The following AHRR variants were observed in gnomAD, a reference collection of about 807,000 sequenced individuals.
AHRR encodes the protein aryl hydrocarbon receptor repressor.
In AHRR, 28 loss-of-function variants were observed where a neutral mutation model predicts 44.0. The observed-to-expected ratio is 0.64, with a 90% confidence interval of 0.47 to 0.87. The LOEUF is 0.87. Ranked by LOEUF, AHRR falls within the 40% of genes least tolerant of loss-of-function variation. AHRR has a pLI of 0.00. For missense variants in AHRR, 990 were observed against 953.9 expected (o/e 1.04, Z -0.50); for synonymous variants, 434 against 407.0 (o/e 1.07, Z -0.80).
At chr5:423,749 T>TG in intron 6 of AHRR, 92 bp from the exon 7 acceptor site, 2 of 1,471,832 alleles carry the variant, frequency 1.4e-6, no homozygotes, top group South Asian at 2.6e-5. Context: ...TTACATGACC[T>TG]GGCGCGTGAG....
At chr5:336,879 G>A (rs1742155060) in intron 1 of AHRR, among the ~76,000 whole-genome samples, 1 of 152,012 alleles carries the variant, frequency 6.6e-6, no homozygotes, top group African/African-American at 2.4e-5. Flanking sequence ...TTGGTGTGTG[G>A]CTTTGTTTTT....
chr5:343,799 G>A (rs1018542810), intron 1 of AHRR, 94 bp from the exon 2 acceptor site: 3 of 1,325,028 alleles, frequency 2.3e-6, no homozygotes, highest in Non-Finnish European at 3.1e-6. Flanking sequence ...CGGGTGTGGG[G>A]GCGCCAGGAC....
chr5:392,476 G>A (rs953302952), intron 4 of AHRR, among the ~76,000 whole-genome samples: 1 of 151,988 alleles, frequency 6.6e-6, no homozygotes, highest in Non-Finnish European at 1.5e-5. Context: ...GAGTGTGCAC[G>A]GGCGCAGGGC....
intron 4 of AHRR, among the ~76,000 whole-genome samples, chr5:389,922 AGGGGGAG>A (rs1454314246): frequency 6.7e-5 from 3 of 44,814 alleles, no homozygotes; most frequent in African/African-American, 1.8e-4. Flanking sequence ...GAAGGGAGGG[AGGGGGAG>A]GGGGAGGGGA....
intron 4 of AHRR, among the ~76,000 whole-genome samples, chr5:381,452 A>T (rs1200936097): frequency 4.6e-5 from 6 of 129,520 alleles, no homozygotes; most frequent in Non-Finnish European, 9.8e-5. Context: ...CTTGTTCCTG[A>T]TTTTAGGGGG....
chr5:402,521 C>A (rs369223386), intron 4 of AHRR, among the ~76,000 whole-genome samples: 1 of 149,996 alleles, frequency 6.7e-6, no homozygotes, highest in African/African-American at 2.5e-5. Flanking sequence ...GGAAGGCAGT[C>A]GTTGATGAGG....
intron 1 of AHRR, among the ~76,000 whole-genome samples, chr5:327,534 T>A (rs781704676): frequency 1.3e-5 from 2 of 152,224 alleles, no homozygotes; most frequent in Non-Finnish European, 2.9e-5. Flanking sequence ...CCATCCATGT[T>A]GCTGCAAAAG....
chr5:425,463 G>T (rs953212988), intron 7 of AHRR, among the ~76,000 whole-genome samples: 11 of 152,126 alleles, frequency 7.2e-5, no homozygotes, highest in African/African-American at 2.7e-4. Flanking sequence ...GACTACAGGC[G>T]CCTGCCACCA....
chr5:434,948 G>C lies in AHRR; in HGVS notation c.*114G>C, dbSNP rs1305947096. 9 of 1,391,704 alleles carry C rather than the reference G, an allele frequency of 6.5e-6. No individual in the cohort carries two copies. The highest frequency in any genetic ancestry group is 2.9e-5 in the South Asian group (2 of 68,974). The allele number at this position is 1,391,704 out of a possible 1,614,324, so 86.2% of individuals were successfully genotyped here. Reference sequence around the variant, plus strand: ...CCCGTCCTAAGACACACGCTTTGCAGAGCTGTGCATGCGCAGTCTGCTAGT... The same window carrying C: ...CCCGTCCTAAGACACACGCTTTGCACAGCTGTGCATGCGCAGTCTGCTAGT... On this transcript the variant is annotated 3_prime_UTR_variant, in exon 11 of 11. Coordinates refer to ENST00000684583, the MANE Select transcript of AHRR (RefSeq NM_001377236.1).
chr5:332,517 C>T (rs1179831374), intron 1 of AHRR, among the ~76,000 whole-genome samples: 10 of 152,182 alleles, frequency 6.6e-5, no homozygotes, highest in Non-Finnish European at 1.0e-4. Flanking sequence ...CCACCCGCCT[C>T]GGCCTCCCAA....
At chr5:393,826 TG>T (rs1347130521) in intron 4 of AHRR, among the ~76,000 whole-genome samples, 1 of 152,094 alleles carries the variant, frequency 6.6e-6, no homozygotes, top group African/African-American at 2.4e-5. Context: ...TTAGTAGAGA[TG>T]GGGTTTCACC....
intron 1 of AHRR, among the ~76,000 whole-genome samples, chr5:341,079 A>G (rs186813522): frequency 1.4e-5 from 2 of 147,480 alleles, no homozygotes; most frequent in African/African-American, 5.0e-5. Flanking sequence ...CAGTGGCATG[A>G]TCTTGGCTCA....
chr5:373,936 A>C, intron 3 of AHRR, among the ~76,000 whole-genome samples: 2 of 147,798 alleles, frequency 1.4e-5, no homozygotes, highest in Non-Finnish European at 1.5e-5. Flanking sequence ...GTAGGGGGGA[A>C]GTGGGCGGGC....
At chr5:322,946 C>A (rs1320464159) in intron 1 of AHRR, among the ~76,000 whole-genome samples, 2 of 152,374 alleles carry the variant, frequency 1.3e-5, no homozygotes, top group Admixed American at 6.5e-5. Flanking sequence ...AGTTTTACCA[C>A]GGGAGAAAGG....
intron 1 of AHRR, among the ~76,000 whole-genome samples, chr5:325,003 C>T (rs752517150): frequency 6.6e-6 from 1 of 152,174 alleles, no homozygotes; most frequent in African/African-American, 2.4e-5. Context: ...CCTGGGAGAA[C>T]GTGGCTTTGC....
intron 3 of AHRR, among the ~76,000 whole-genome samples, chr5:375,699 G>A (rs577234739): frequency 1.3e-5 from 2 of 152,208 alleles, no homozygotes; most frequent in East Asian, 1.9e-4. Flanking sequence ...GCTGGGGTGC[G>A]CTTTGGTCCA....
chr5:364,539 G>A (rs1161987325), intron 3 of AHRR, among the ~76,000 whole-genome samples: 4 of 151,816 alleles, frequency 2.6e-5, no homozygotes, highest in Non-Finnish European at 5.9e-5. Flanking sequence ...GTAGAAATGG[G>A]GTTGAAATTT....
chr5:422,686 C>G (rs1408128843), intron 5 of AHRR, 43 bp from the exon 6 acceptor site: 3 of 1,613,532 alleles, frequency 1.9e-6, no homozygotes, highest in Non-Finnish European at 1.7e-6. Context: ...GTGTCTAAAG[C>G]CACTTGGGGT....
At chr5:336,316 A>T (rs1742121492) in intron 1 of AHRR, among the ~76,000 whole-genome samples, 1 of 151,980 alleles carries the variant, frequency 6.6e-6, no homozygotes. Flanking sequence ...CTTCTTCCTA[A>T]GTTTTGCTGT....
Sources: allele counts gnomAD v4.1 joint callset (sites outside exome capture counted in the v4.1 genomes callset), GRCh38; gene constraint gnomAD v4.1.1; transcripts MANE v1.5; gene names NCBI Gene and HGNC (gene_info 2026-07-23, HGNC 2026-07-21).